The following IL1RAPL1 variants were observed in gnomAD, a reference collection of about 807,000 sequenced individuals.
IL1RAPL1 encodes interleukin 1 receptor accessory protein like 1, also known as interleukin-1 receptor accessory protein-like 1.
A neutral mutation model predicts 48.4 loss-of-function variants in IL1RAPL1; 3 were observed. The ratio of observed to expected loss-of-function variants is 0.06; its 90% CI spans 0.03 to 0.16. The LOEUF is 0.16. Among genes scored for constraint, IL1RAPL1 ranks in the 10% least tolerant of loss-of-function variants. The probability of loss-of-function intolerance (pLI) is 1.00; values close to 1 mark genes in which losing one functional copy is unlikely to be tolerated. For synonymous variants in IL1RAPL1, 185 were observed against 187.7 expected (o/e 0.99, Z 0.12); for missense variants, 349 against 530.6 (o/e 0.66, Z 3.36).
At chrX:28,728,901 A>T (rs910285453) in intron 1 of IL1RAPL1, among the ~76,000 whole-genome samples, 5 of 111,373 alleles carry the variant, frequency 4.5e-5, no homozygotes, top group African/African-American at 6.5e-5. Flanking sequence ...GGCTATTCTA[A>T]ATATTTGGAT....
intron 2 of IL1RAPL1, among the ~76,000 whole-genome samples, chrX:29,213,646 C>A (rs1040298114): frequency 3.5e-5 from 4 of 112,876 alleles, no homozygotes; most frequent in African/African-American, 1.3e-4. Context: ...ATGCTTCCCA[C>A]ATACATGTCT....
chrX:29,094,596 T>TAAAA (rs774154497), intron 2 of IL1RAPL1, among the ~76,000 whole-genome samples: 2 of 68,113 alleles, frequency 2.9e-5, no homozygotes, highest in East Asian at 4.7e-4. Context: ...TATCTCTACT[T>TAAAA]AAAAAAAAAA....
intron 2 of IL1RAPL1, among the ~76,000 whole-genome samples, chrX:28,960,973 G>A (rs780994370): frequency 1.5e-4 from 12 of 82,623 alleles, no homozygotes; most frequent in Admixed American, 7.8e-4. Context: ...TCGCACCGCT[G>A]CACTCCAGCC....
At chrX:29,197,463 A>T in intron 2 of IL1RAPL1, among the ~76,000 whole-genome samples, 1 of 111,714 alleles carries the variant, frequency 9.0e-6, no homozygotes, top group South Asian at 3.7e-4. Context: ...TCCTGAGTGA[A>T]TCACTATCTG....
At chrX:29,231,543 T>C (rs1602125008) in intron 2 of IL1RAPL1, among the ~76,000 whole-genome samples, 1 of 111,970 alleles carries the variant, frequency 8.9e-6, no homozygotes, top group African/African-American at 3.2e-5. Context: ...CTTATCTAAC[T>C]TTACATTGAA....
chrX:29,087,734 G>A, intron 2 of IL1RAPL1, among the ~76,000 whole-genome samples: 1 of 112,008 alleles, frequency 8.9e-6, no homozygotes. Flanking sequence ...TTATTTTTAA[G>A]TTCAAAAAGT....
chrX:29,577,467 G>A (rs781239781), intron 5 of IL1RAPL1, among the ~76,000 whole-genome samples: 7 of 111,392 alleles, frequency 6.3e-5, no homozygotes, highest in South Asian at 3.7e-4. Flanking sequence ...CCAAACTCCC[G>A]TGATCCAAAA....
Position 28,697,768 on chromosome X carries a change from TA to T in IL1RAPL1, c.-24-91551del, listed in dbSNP as rs1314452977. On this transcript the variant is annotated intron_variant, in intron 1 of 10. Transcript: ENST00000378993. ...TTTTCCTGGAATTCTGAAAGAAGCA[TA>T]GGGGTGGGGGAAGCACAATCTTGAA... 2.7e-5 allele frequency among the ~76,000 whole-genome samples: 3 copies of T among 111,264 alleles called. No individual in the cohort carries two copies. The Admixed American group carries it at 2.9e-4, about 11-fold the overall frequency.
At chrX:29,402,345 T>C in intron 5 of IL1RAPL1, among the ~76,000 whole-genome samples, 1 of 111,485 alleles carries the variant, frequency 9.0e-6, no homozygotes, top group Non-Finnish European at 1.9e-5. Flanking sequence ...TATCCCCTTG[T>C]TGAGGCACGT....
chrX:28,928,045 A>G (rs961870407), intron 2 of IL1RAPL1, among the ~76,000 whole-genome samples: 5 of 111,199 alleles, frequency 4.5e-5, no homozygotes, highest in African/African-American at 6.5e-5. Flanking sequence ...ATGAATGTCA[A>G]ACTTAACATA....
chrX:29,506,022 A>G (rs1935323215), intron 5 of IL1RAPL1, among the ~76,000 whole-genome samples: 1 of 112,018 alleles, frequency 8.9e-6, no homozygotes. Flanking sequence ...AGAGCTTCTC[A>G]TGAATTTTTC....
chrX:29,496,970 ATACT>A (rs1173576584), intron 5 of IL1RAPL1, among the ~76,000 whole-genome samples: 1 of 112,690 alleles, frequency 8.9e-6, no homozygotes, highest in Non-Finnish European at 1.9e-5. Flanking sequence ...GGTTTGGAAA[ATACT>A]TACTACTTTT....
In IL1RAPL1 at chrX:28,751,027, G is replaced by A. The variant is rs575002934; in HGVS notation, c.-24-38293G>A. On this transcript the variant is annotated intron_variant, in intron 1 of 10. Coordinates refer to ENST00000378993, the MANE Select transcript of IL1RAPL1 (RefSeq NM_014271.4). ...GCTGGCTGTAGACTTTAATTCAACCGTGATTCTGTATTACGTTATATAATA... is the reference window on the plus strand; with the variant it reads ...GCTGGCTGTAGACTTTAATTCAACCATGATTCTGTATTACGTTATATAATA... Among the ~76,000 whole-genome samples the A allele has an allele frequency of 2.6e-4, 29 of 111,875 alleles. No individual in the cohort carries two copies. In the South Asian group the frequency reaches 4.1e-3, roughly 16 times the overall value.
At chrX:29,449,342 A>G (rs1170060769) in intron 5 of IL1RAPL1, among the ~76,000 whole-genome samples, 4 of 111,012 alleles carry the variant, frequency 3.6e-5, no homozygotes, top group Admixed American at 2.9e-4. Context: ...ATATGTAAGT[A>G]TGAGTGTGTG....
At chrX:29,232,838 G>A (rs1217144653) in intron 2 of IL1RAPL1, among the ~76,000 whole-genome samples, 4 of 108,887 alleles carry the variant, frequency 3.7e-5, no homozygotes, top group East Asian at 2.9e-4. Flanking sequence ...TTGCTCTGTC[G>A]CCCAGGCTGG....
At chrX:29,188,488 G>A (rs1272697202) in intron 2 of IL1RAPL1, among the ~76,000 whole-genome samples, 1 of 110,939 alleles carries the variant, frequency 9.0e-6, no homozygotes, top group African/African-American at 3.3e-5. Flanking sequence ...AAATAAATAG[G>A]ATTGCATGAG....
intron 6 of IL1RAPL1, among the ~76,000 whole-genome samples, chrX:29,758,781 AAAAC>A (rs1207923189): frequency 9.0e-6 from 1 of 111,307 alleles, no homozygotes; most frequent in Non-Finnish European, 1.9e-5. Flanking sequence ...CCTAATGTAA[AAAAC>A]AAAACAAAAC....
chrX:29,551,097 TATC>T (rs1362715587), intron 5 of IL1RAPL1, among the ~76,000 whole-genome samples: 2 of 112,304 alleles, frequency 1.8e-5, no homozygotes, highest in Admixed American at 9.4e-5. Context: ...ATATTTTACT[TATC>T]ATAATGTCTT....
chrX:28,774,454 T>A (rs1380686202), intron 1 of IL1RAPL1, among the ~76,000 whole-genome samples: 1 of 111,290 alleles, frequency 9.0e-6, no homozygotes, highest in Admixed American at 9.6e-5. Context: ...CAGGGTCTGA[T>A]TGGGGCAGGA....
Sources: allele counts gnomAD v4.1 joint callset (sites outside exome capture counted in the v4.1 genomes callset), GRCh38; gene constraint gnomAD v4.1.1; transcripts MANE v1.5; gene names NCBI Gene and HGNC (gene_info 2026-07-23, HGNC 2026-07-21).